The following EFCAB6 variants were observed in gnomAD, a reference collection of about 807,000 sequenced individuals.
The protein encoded by EFCAB6 is EF-hand calcium binding domain 6.
In EFCAB6, 156 loss-of-function variants were observed where a neutral mutation model predicts 169.8. The ratio of observed to expected loss-of-function variants is 0.92; its 90% CI spans 0.81 to 1.05. The LOEUF (loss-of-function observed/expected upper bound fraction) is 1.05. EFCAB6 is among the 50% of genes least tolerant of loss of function. The pLI, the probability that EFCAB6 is intolerant of heterozygous loss-of-function variation, is 0.00. For missense variants in EFCAB6, 1,800 were observed against 1,829.1 expected (o/e 0.98, Z 0.29); for synonymous variants, 698 against 676.4 (o/e 1.03, Z -0.50).
intron 5 of EFCAB6, among the ~76,000 whole-genome samples, chr22:43,762,366 T>C (rs973293692): frequency 2.0e-5 from 3 of 152,216 alleles, no homozygotes; most frequent in African/African-American, 7.2e-5. Context: ...ATGGCAAAAC[T>C]GAATACACAA....
At chr22:43,794,620 G>C (rs2062430971) in intron 2 of EFCAB6, among the ~76,000 whole-genome samples, 1 of 152,178 alleles carries the variant, frequency 6.6e-6, no homozygotes, top group South Asian at 2.1e-4. Flanking sequence ...GATAACTTGA[G>C]TTTGCAAAAC....
In EFCAB6 at chr22:43,687,512, C is replaced by T. The variant is rs1203710919; in HGVS notation, c.1101G>A (p.Gly367=). ...GGGGACCTTTACTGCTAACTTGCAACCCCTGAGGCTCATGAAATGATGTTA... is the reference window on the plus strand; with the variant it reads ...GGGGACCTTTACTGCTAACTTGCAATCCCTGAGGCTCATGAAATGATGTTA... The part of the protein sequence containing the change: ...QFLTSFHEPQ[G]LQVSSKGPLT... The change falls in exon 11 of 32, where the codon GGG becomes GGA. Residue 367 remains glycine (G), a synonymous_variant. Coordinates refer to ENST00000262726, the MANE Select transcript of EFCAB6 (RefSeq NM_022785.4). 1 of 1,591,344 alleles carries T rather than the reference C, an allele frequency of 6.3e-7. No homozygotes were observed. The highest frequency in any genetic ancestry group is 8.5e-7 in the Non-Finnish European group (1 of 1,171,322).
chr22:43,590,814 T>A (rs2051450153), intron 23 of EFCAB6, among the ~76,000 whole-genome samples: 1 of 151,862 alleles, frequency 6.6e-6, no homozygotes, highest in East Asian at 1.9e-4. Context: ...ATAGGCTCTT[T>A]TTCTTGAGCA....
intron 19 of EFCAB6, among the ~76,000 whole-genome samples, chr22:43,627,819 C>G (rs1315905007): frequency 2.0e-5 from 3 of 152,216 alleles, no homozygotes; most frequent in African/African-American, 7.2e-5. Flanking sequence ...TCAAGTTCCT[C>G]ATGCAAGTGT....
chr22:43,636,601 GTTC>G (rs983446246), intron 17 of EFCAB6, among the ~76,000 whole-genome samples: 1 of 147,798 alleles, frequency 6.8e-6, no homozygotes. Flanking sequence ...TTCAAACCCA[GTTC>G]TTTTCTTTTT....
chr22:43,733,352 T>C (rs1414434638), intron 7 of EFCAB6, among the ~76,000 whole-genome samples: 1 of 152,236 alleles, frequency 6.6e-6, no homozygotes, highest in African/African-American at 2.4e-5. Context: ...ATTTGTTTGC[T>C]GGTTTTACAA....
intron 5 of EFCAB6, among the ~76,000 whole-genome samples, chr22:43,756,281 C>T (rs755992263): frequency 6.6e-6 from 1 of 152,160 alleles, no homozygotes; most frequent in Non-Finnish European, 1.5e-5. Flanking sequence ...GACCCAGGTG[C>T]TCTGGGTTCA....
intron 6 of EFCAB6, among the ~76,000 whole-genome samples, chr22:43,753,213 GA>G (rs1308945616): frequency 1.3e-5 from 2 of 152,170 alleles, no homozygotes; most frequent in Non-Finnish European, 2.9e-5. Flanking sequence ...CAAAGAAGCT[GA>G]AGACCAGCAA....
intron 27 of EFCAB6, among the ~76,000 whole-genome samples, chr22:43,548,539 C>CAAAAAAAAA (rs397868076): frequency 3.0e-4 from 11 of 36,750 alleles, no homozygotes; most frequent in African/African-American, 1.2e-3. Flanking sequence ...GAATCCATCT[C>CAAAAAAAAA]AAAAAAAAAA....
chr22:43,656,342 G>GATT (rs1023434044), intron 17 of EFCAB6, among the ~76,000 whole-genome samples: 9 of 151,784 alleles, frequency 5.9e-5, no homozygotes, highest in Admixed American at 2.0e-4. Context: ...AGTGAGCCAA[G>GATT]ATTGCTGCCA....
chr22:43,760,888 C>G (rs1449498246), intron 5 of EFCAB6, among the ~76,000 whole-genome samples: 1 of 152,222 alleles, frequency 6.6e-6, no homozygotes, highest in Non-Finnish European at 1.5e-5. Context: ...GTCTTGAACT[C>G]CTAACCTCAA....
chr22:43,592,210 G>A (rs549054406), intron 23 of EFCAB6, among the ~76,000 whole-genome samples: 5 of 152,324 alleles, frequency 3.3e-5, no homozygotes, highest in African/African-American at 9.6e-5. Flanking sequence ...AAGCCACCAA[G>A]GTGATCAACT....
intron 23 of EFCAB6, among the ~76,000 whole-genome samples, chr22:43,592,143 A>G (rs2051601001): frequency 6.6e-6 from 1 of 152,212 alleles, no homozygotes; most frequent in African/African-American, 2.4e-5. Context: ...GGACTCTGGG[A>G]GAGGTGAGAT....
chr22:43,786,953 A>T (rs190785225), intron 2 of EFCAB6, among the ~76,000 whole-genome samples: 164 of 152,272 alleles, frequency 1.1e-3, no homozygotes, highest in Non-Finnish European at 1.8e-3. Flanking sequence ...CAAGGAAAAA[A>T]AACACATAAT....
chr22:43,565,929 AAATT>A (rs539623719), intron 26 of EFCAB6, among the ~76,000 whole-genome samples: 139 of 152,288 alleles, frequency 9.1e-4, no homozygotes, highest in Non-Finnish European at 1.4e-3. Context: ...ATTAGCAAAG[AAATT>A]AATTGTACTG....
chr22:43,700,394 GATTTT>G (rs1445272184), intron 10 of EFCAB6, among the ~76,000 whole-genome samples: 1 of 152,090 alleles, frequency 6.6e-6, no homozygotes, highest in Non-Finnish European at 1.5e-5. Flanking sequence ...TAAGATTTTA[GATTTT>G]ATTTTACTTC....
At chr22:43,567,050 T>A (rs779452699) in intron 26 of EFCAB6, among the ~76,000 whole-genome samples, 9 of 152,094 alleles carry the variant, frequency 5.9e-5, no homozygotes, top group Non-Finnish European at 1.2e-4. Flanking sequence ...CCAGACTCAG[T>A]GCAAGCTCAT....
At chr22:43,616,552 T>C (rs2053699020) in intron 20 of EFCAB6, among the ~76,000 whole-genome samples, 1 of 152,164 alleles carries the variant, frequency 6.6e-6, no homozygotes, top group Non-Finnish European at 1.5e-5. Flanking sequence ...TAATCCCAGC[T>C]ACTCAAGAGG....
intron 8 of EFCAB6, among the ~76,000 whole-genome samples, chr22:43,725,882 A>G (rs2059708295): frequency 1.3e-5 from 2 of 152,234 alleles, no homozygotes; most frequent in Non-Finnish European, 1.5e-5. Flanking sequence ...TTCAATGATA[A>G]AAGTTATAGG....
Sources: gnomAD v4.1 joint callset for allele counts (sites outside exome capture counted in the v4.1 genomes callset) on GRCh38, gnomAD v4.1.1 for gene constraint, MANE v1.5 for transcripts, NCBI Gene and HGNC (gene_info 2026-07-23, HGNC 2026-07-21) for gene names.